CDH12: variants seen among roughly 807,000 people sequenced by gnomAD.
CDH12 encodes the protein cadherin 12, also known as cadherin-12.
CDH12 carries 41 observed loss-of-function variants against 74.1 expected under a neutral mutation model. The ratio of observed to expected loss-of-function variants is 0.55; its 90% CI spans 0.43 to 0.72. CDH12 has a LOEUF of 0.72. Ranked by LOEUF, CDH12 falls within the 30% of genes least tolerant of loss-of-function variation. The pLI is 0.00. For missense variants in CDH12, 945 were observed against 977.2 expected (o/e 0.97, Z 0.44); for synonymous variants, 399 against 355.0 (o/e 1.12, Z -1.39).
At chr5:22,643,299 G>A (rs1739248096) in intron 1 of CDH12, among the ~76,000 whole-genome samples, 1 of 152,062 alleles carries the variant, frequency 6.6e-6, no homozygotes. Context: ...TTACTATTGT[G>A]ATTTACTTTC....
intron 1 of CDH12, among the ~76,000 whole-genome samples, chr5:22,557,648 T>C (rs1229129324): frequency 6.6e-6 from 1 of 152,094 alleles, no homozygotes; most frequent in African/African-American, 2.4e-5. Context: ...ATATAGCATA[T>C]TTTATTCAGG....
chr5:22,502,712 C>A (rs1736224885), intron 2 of CDH12, among the ~76,000 whole-genome samples: 1 of 151,694 alleles, frequency 6.6e-6, no homozygotes, highest in African/African-American at 2.4e-5. Flanking sequence ...CATTCAAAAG[C>A]AAACCGACTA....
chr5:21,792,350 A>C (rs1057323585), intron 10 of CDH12, among the ~76,000 whole-genome samples: 5 of 151,922 alleles, frequency 3.3e-5, no homozygotes, highest in Admixed American at 3.3e-4. Flanking sequence ...TACTAGACTT[A>C]AAAGTTGTAT....
rs896793905 is a variant in CDH12 at position 21,814,710 on chromosome 5, C to T, written c.1002+2235G>A. Among the ~76,000 whole-genome samples the T allele has an allele frequency of 7.3e-5, 11 of 149,964 alleles. No homozygotes were observed. In the South Asian group the frequency reaches 2.3e-3, roughly 32 times the overall value. On this transcript the variant is annotated intron_variant, in intron 9 of 14. Coordinates refer to ENST00000382254, the MANE Select transcript of CDH12 (RefSeq NM_004061.5). ...TATATCTAGAATTGAATCTTTCGTACCTTAATTTTACTTTGGAAGTATACT... is the reference window on the plus strand; with the variant it reads ...TATATCTAGAATTGAATCTTTCGTATCTTAATTTTACTTTGGAAGTATACT...
At chr5:22,834,832 C>G (rs1235980197) in intron 1 of CDH12, among the ~76,000 whole-genome samples, 2 of 148,756 alleles carry the variant, frequency 1.3e-5, no homozygotes, top group Non-Finnish European at 3.0e-5. Context: ...GAAAGAAAAG[C>G]AAAGGAAAGG....
chr5:22,495,168 T>G (rs539176732), intron 2 of CDH12, among the ~76,000 whole-genome samples: 1 of 152,252 alleles, frequency 6.6e-6, no homozygotes, highest in East Asian at 1.9e-4. Context: ...AGGCATCACT[T>G]GGGGCAAGAG....
chr5:21,917,578 T>C (rs929729743), intron 6 of CDH12, among the ~76,000 whole-genome samples: 8 of 152,198 alleles, frequency 5.3e-5, no homozygotes, highest in Admixed American at 5.2e-4. Context: ...GAGAAAATCA[T>C]CGAGTCTAGT....
At chr5:22,070,051 T>C (rs879580878) in intron 5 of CDH12, among the ~76,000 whole-genome samples, 2 of 152,186 alleles carry the variant, frequency 1.3e-5, no homozygotes, top group Admixed American at 6.6e-5. Context: ...GCTATAATCA[T>C]TACAAGTACT....
intron 5 of CDH12, among the ~76,000 whole-genome samples, chr5:22,001,292 C>T (rs991687049): frequency 2.0e-5 from 3 of 151,364 alleles, no homozygotes; most frequent in South Asian, 2.1e-4. Flanking sequence ...GAGGCCTACC[C>T]GATATCCCGT....
chr5:22,365,045 C>T (rs1740970743), intron 3 of CDH12, among the ~76,000 whole-genome samples: 1 of 152,182 alleles, frequency 6.6e-6, no homozygotes, highest in South Asian at 2.1e-4. Context: ...TCCCTTTCTT[C>T]ACTCTAAGCT....
At chr5:21,959,600 C>T (rs2431900) in intron 6 of CDH12, among the ~76,000 whole-genome samples, 1 of 151,516 alleles carries the variant, frequency 6.6e-6, no homozygotes, top group African/African-American at 2.4e-5. Flanking sequence ...GACTTCAAAC[C>T]AACAAAGTTC....
intron 3 of CDH12, among the ~76,000 whole-genome samples, chr5:22,251,819 G>A (rs1395691660): frequency 1.3e-5 from 2 of 151,956 alleles, no homozygotes; most frequent in East Asian, 1.9e-4. Context: ...TTACTTACAC[G>A]AAAAATTTTG....
intron 1 of CDH12, among the ~76,000 whole-genome samples, chr5:22,657,837 T>C (rs1009529054): frequency 2.6e-5 from 4 of 152,156 alleles, no homozygotes; most frequent in Non-Finnish European, 5.9e-5. Flanking sequence ...TTATGTCCAA[T>C]TTTTCTTTTA....
At chr5:21,922,625 T>C (rs1754403535) in intron 6 of CDH12, among the ~76,000 whole-genome samples, 1 of 152,132 alleles carries the variant, frequency 6.6e-6, no homozygotes, top group South Asian at 2.1e-4. Context: ...ACAAGGCTCA[T>C]ACAGACATAC....
At chr5:22,189,042 A>AT (rs1750122613) in intron 4 of CDH12, among the ~76,000 whole-genome samples, 1 of 152,080 alleles carries the variant, frequency 6.6e-6, no homozygotes, top group African/African-American at 2.4e-5. Context: ...TTGAAGTGTA[A>AT]TTTTCTTCTG....
At chr5:22,844,880 T>A (rs1171374733) in intron 1 of CDH12, among the ~76,000 whole-genome samples, 1 of 152,118 alleles carries the variant, frequency 6.6e-6, no homozygotes, top group Non-Finnish European at 1.5e-5. Context: ...GATTAAGTCA[T>A]TTAATTGCTA....
At chr5:22,224,789 G>A (rs1206380191) in intron 3 of CDH12, among the ~76,000 whole-genome samples, 1 of 151,480 alleles carries the variant, frequency 6.6e-6, no homozygotes, top group African/African-American at 2.4e-5. Flanking sequence ...TGCATTTTGT[G>A]TATAAAAAAC....
At chr5:22,224,463 C>T (rs1379301361) in intron 3 of CDH12, among the ~76,000 whole-genome samples, 2 of 151,994 alleles carry the variant, frequency 1.3e-5, no homozygotes, top group Admixed American at 6.6e-5. Context: ...CCCCATTGTT[C>T]TGTTCTTTTG....
chr5:21,821,886 A>T (rs1230699204), intron 8 of CDH12, among the ~76,000 whole-genome samples: 1 of 151,962 alleles, frequency 6.6e-6, no homozygotes, highest in Non-Finnish European at 1.5e-5. Context: ...TAGAAATAAA[A>T]TTTTGTTGTA....
Sources: allele counts gnomAD v4.1 joint callset (sites outside exome capture counted in the v4.1 genomes callset), GRCh38; gene constraint gnomAD v4.1.1; transcripts MANE v1.5; gene names NCBI Gene and HGNC (gene_info 2026-07-23, HGNC 2026-07-21).